PCDHGB3: variants seen among roughly 807,000 people sequenced by gnomAD.
PCDHGB3 encodes protocadherin gamma-B3.
A neutral mutation model predicts 59.2 loss-of-function variants in PCDHGB3; 40 were observed. The observed-to-expected ratio is 0.68, with a 90% CI of 0.52 to 0.88. PCDHGB3 has a LOEUF of 0.88. Among genes scored for constraint, PCDHGB3 ranks in the 40% least tolerant of loss-of-function variants. The pLI is 0.00. For synonymous variants in PCDHGB3, 581 were observed against 503.6 expected, an observed-to-expected ratio of 1.15 and a Z score of -2.06; for missense variants, 1,309 against 1,187.9, an observed-to-expected ratio of 1.10 and a Z score of -1.50.
intron 1 of PCDHGB3, chr5:141,413,858 G>T: frequency 6.2e-7 from 1 of 1,613,258 alleles, no homozygotes; most frequent in Non-Finnish European, 8.5e-7. Context: ...CTCCGATCTG[G>T]CACTGTCCTT....
chr5:141,425,897 A>G (rs893972047), intron 1 of PCDHGB3, among the ~76,000 whole-genome samples: 1 of 152,240 alleles, frequency 6.6e-6, no homozygotes, highest in African/African-American at 2.4e-5. Context: ...TTTGGTAGTA[A>G]ACACTGGAAA....
intron 1 of PCDHGB3, chr5:141,423,756 GGGGGT>G: frequency 1.1e-5 from 5 of 448,566 alleles, no homozygotes; most frequent in African/African-American, 2.8e-5. Context: ...TGTTTGGGGG[GGGGGT>G]GGGGCGGCAT....
chr5:141,422,838 C>T (rs201218542), intron 1 of PCDHGB3: 182 of 1,614,252 alleles, frequency 1.1e-4, no homozygotes, highest in Middle Eastern at 1.6e-4. Context: ...TAGCACGTGA[C>T]AGCGGGGACC....
At chr5:141,465,852 G>A (rs1250863307) in intron 1 of PCDHGB3, among the ~76,000 whole-genome samples, 1 of 151,996 alleles carries the variant, frequency 6.6e-6, no homozygotes, top group East Asian at 1.9e-4. Context: ...GCTGGGCCCA[G>A]TGGCTCATGC....
chr5:141,414,556 T>G, intron 1 of PCDHGB3: 2 of 1,613,990 alleles, frequency 1.2e-6, no homozygotes, highest in Non-Finnish European at 1.7e-6. Flanking sequence ...TCAAGTCTCC[T>G]ACTTTACCTA....
intron 1 of PCDHGB3, chr5:141,414,939 C>T (rs773327918): frequency 2.5e-6 from 4 of 1,614,090 alleles, no homozygotes; most frequent in Admixed American, 1.7e-5. Context: ...CCGCAGAGCC[C>T]GGCTACCTGG....
At chr5:141,500,167 A>C (rs976308963) in intron 2 of PCDHGB3, among the ~76,000 whole-genome samples, 1 of 150,656 alleles carries the variant, frequency 6.6e-6, no homozygotes, top group African/African-American at 2.4e-5. Context: ...AAGAACATGC[A>C]TGAGCTTCAT....
At chr5:141,443,126 A>G (rs972396091) in intron 1 of PCDHGB3, among the ~76,000 whole-genome samples, 1 of 152,190 alleles carries the variant, frequency 6.6e-6, no homozygotes, top group Non-Finnish European at 1.5e-5. Context: ...AACCAGATTA[A>G]GAACACTATC....
intron 1 of PCDHGB3, among the ~76,000 whole-genome samples, chr5:141,474,163 T>A (rs958292802): frequency 2.0e-5 from 3 of 152,178 alleles, no homozygotes; most frequent in Non-Finnish European, 2.9e-5. Flanking sequence ...ATGACAGGCC[T>A]TATTATTGAG....
chr5:141,423,415 G>GA (rs750028507), intron 1 of PCDHGB3: 3 of 1,614,134 alleles, frequency 1.9e-6, no homozygotes, highest in Non-Finnish European at 2.5e-6. Context: ...GCAGGCTTCT[G>GA]AAGGCGGGTT....
intron 1 of PCDHGB3, among the ~76,000 whole-genome samples, chr5:141,479,817 A>T (rs773702225): frequency 6.6e-6 from 1 of 152,230 alleles, no homozygotes; most frequent in Non-Finnish European, 1.5e-5. Flanking sequence ...CAAGGATACT[A>T]TCCAAGGCAT....
chr5:141,399,241 T>C, intron 1 of PCDHGB3: 3 of 1,613,950 alleles, frequency 1.9e-6, no homozygotes, highest in South Asian at 1.1e-5. Flanking sequence ...TGACCAAGAT[T>C]CTGGGGAAAA....
At chr5:141,424,022 AAC>A (rs1390245883) in intron 1 of PCDHGB3, 1 of 1,046,586 alleles carries the variant, frequency 9.6e-7, no homozygotes, top group Non-Finnish European at 1.2e-6. Flanking sequence ...ATGATTCACA[AAC>A]ACTTTTTATT....
rs776685212 is a variant in PCDHGB3 at position 141,370,880 on chromosome 5, A to T, written c.486A>T (p.Val162=). ...FALESAQDPD[V]GVNSLQQYYL... The stretch of plus-strand genomic sequence containing the variant: ...TGGAATCTGCGCAAGATCCTGATGT[A>T]GGTGTCAATTCGCTGCAGCAGTACT... The change falls in exon 1 of 4, where the codon GTA becomes GTT. Residue 162 remains valine (V), a synonymous_variant. Coordinates refer to ENST00000576222, the MANE Select transcript of PCDHGB3 (RefSeq NM_018924.5). 4 of 1,614,042 alleles carry T rather than the reference A, an allele frequency of 2.5e-6. No individual in the cohort carries two copies. In the South Asian group the frequency reaches 3.3e-5, roughly 13 times the overall value.
intron 1 of PCDHGB3, among the ~76,000 whole-genome samples, chr5:141,457,171 T>C (rs1337137368): frequency 3.3e-5 from 5 of 152,216 alleles, no homozygotes; most frequent in Non-Finnish European, 7.3e-5. Flanking sequence ...GATAACCCTA[T>C]TGCAAATAGT....
In PCDHGB3 at chr5:141,431,797, A is replaced by T. The variant is rs754056771; in HGVS notation, c.2415+58988A>T. 6.2e-7 allele frequency: 1 copy of T among 1,614,256 alleles called. No homozygotes were observed. The highest frequency in any genetic ancestry group is 2.2e-5 in the East Asian group (1 of 44,882). ...TGGACGTGAACGACAATGCCCCAGAAGTGGTCCTCACCTCTCTCGCCAGCT... is the reference window on the plus strand; with the variant it reads ...TGGACGTGAACGACAATGCCCCAGATGTGGTCCTCACCTCTCTCGCCAGCT... On this transcript the variant is annotated intron_variant, in intron 1 of 3. Coordinates refer to ENST00000576222, the MANE Select transcript of PCDHGB3 (RefSeq NM_018924.5). This position sits in a 1 kb window ranked among gnomAD's most constrained non-coding sequence, Gnocchi z 4.8.
chr5:141,429,395 A>AAT (rs2097212201), intron 1 of PCDHGB3, among the ~76,000 whole-genome samples: 7 of 152,008 alleles, frequency 4.6e-5, no homozygotes, highest in African/African-American at 1.7e-4. Flanking sequence ...TTTAAAAAAA[A>AAT]TTGAGATTAA....
chr5:141,405,457 TTA>T, intron 1 of PCDHGB3: 1 of 1,256,670 alleles, frequency 8.0e-7, no homozygotes, highest in Non-Finnish European at 1.1e-6. Context: ...TCTTACTCTG[TTA>T]CCCAGGCTGG....
In PCDHGB3 at chr5:141,491,283, C is replaced by G; in HGVS notation, c.2416-3524C>G. ...AAATGCCCAAATCCAGTGACTTCCT[C>G]ATACACCCTCCTGAGCGTTCAGACC... On this transcript the variant is annotated intron_variant, in intron 1 of 3. Coordinates refer to ENST00000576222, the MANE Select transcript of PCDHGB3 (RefSeq NM_018924.5). The surrounding 1 kb of genome is among the most constrained non-coding windows in gnomAD (Gnocchi z 6.9). The G allele has an allele frequency of 1.2e-6, 2 of 1,614,164 alleles. No homozygotes were observed.
Sources: allele counts gnomAD v4.1 joint callset (sites outside exome capture counted in the v4.1 genomes callset), GRCh38; gene constraint gnomAD v4.1.1; non-coding constraint Gnocchi (gnomAD v3.1); transcripts MANE v1.5; gene names NCBI Gene and HGNC (gene_info 2026-07-23, HGNC 2026-07-21).